The following TGS1 variants were observed in gnomAD, a reference collection of about 807,000 sequenced individuals.
TGS1 encodes the protein trimethylguanosine synthase.
In TGS1, 69 loss-of-function variants were observed where a neutral mutation model predicts 92.2. That is an observed-to-expected ratio of 0.75 (90% CI 0.62 to 0.91). The LOEUF is 0.91. Among genes scored for constraint, TGS1 ranks in the 40% least tolerant of loss-of-function variants. The probability of loss-of-function intolerance (pLI) is 0.00; values close to 1 mark genes in which losing one functional copy is unlikely to be tolerated. For missense variants in TGS1, 1,062 were observed against 1,001.2 expected, an observed-to-expected ratio of 1.06 and a Z score of -0.82; for synonymous variants, 345 against 338.1, an observed-to-expected ratio of 1.02 and a Z score of -0.22.
chr8:55,799,548 T>G (rs1357609096), intron 8 of TGS1, among the ~76,000 whole-genome samples: 1 of 152,194 alleles, frequency 6.6e-6, no homozygotes, highest in Non-Finnish European at 1.5e-5. Flanking sequence ...ATCCTTTGCC[T>G]TCTTCGTATG....
In TGS1 at chr8:55,798,468, G is replaced by A. The variant is rs113956541; in HGVS notation, c.1543-446G>A. On this transcript the variant is annotated intron_variant, in intron 7 of 12. Coordinates refer to ENST00000260129, the MANE Select transcript of TGS1 (RefSeq NM_024831.8). ...TTGGCCCTAAATCTTTTTAGGGTTC[G>A]TCTTTGATGCTAAGTAACATTTACA... 4.5e-3 allele frequency among the ~76,000 whole-genome samples: 682 copies of A among 152,230 alleles called. 4 individuals are homozygous for A. Among genetic ancestry groups the A allele is most frequent in the African/African-American group, 0.015 (628 of 41,536 alleles).
At chr8:55,774,890 C>T (rs574550323) in intron 1 of TGS1, among the ~76,000 whole-genome samples, 1 of 152,230 alleles carries the variant, frequency 6.6e-6, no homozygotes, top group South Asian at 2.1e-4. Context: ...TGGGAGAAAG[C>T]GTTCTCTGCA....
In TGS1 at chr8:55,790,309, A is replaced by T. The variant is rs1183350342; in HGVS notation, c.1280+10A>T. 1.3e-6 allele frequency: 2 copies of T among 1,567,374 alleles called. No homozygotes were observed. Among genetic ancestry groups the T allele is most frequent in the African/African-American group, 2.7e-5 (2 of 74,116 alleles). On this transcript the variant is annotated intron_variant, in intron 5 of 12. Transcript: ENST00000260129. ...GCAAACTGAAGAGGAGGTAAGTTAC[A>T]TGAGACCCCTCTCACCAGAGCGTGT...
At chr8:55,796,298 G>A in intron 7 of TGS1, 146 bp downstream of exon 7, 1 of 606,964 alleles carries the variant, frequency 1.6e-6, no homozygotes, top group East Asian at 2.9e-5. Flanking sequence ...CTTCTTGAAG[G>A]CATATATTAT....
chr8:55,813,166 C>A (rs770032581), intron 12 of TGS1, 48 bp downstream of exon 12: 111 of 1,315,796 alleles, frequency 8.4e-5, no homozygotes, highest in South Asian at 2.3e-4. Context: ...TTAACTGTTA[C>A]AAGTACGGTA....
intron 8 of TGS1, among the ~76,000 whole-genome samples, chr8:55,799,885 T>A (rs145292076): frequency 6.6e-6 from 1 of 152,278 alleles, no homozygotes; most frequent in East Asian, 1.9e-4. Flanking sequence ...GGTTTCCTTT[T>A]GGTGTGTTTT....
rs77909631 is a variant in TGS1 at position 55,784,833 on chromosome 8, A to G, written c.167-886A>G. ...TTGCAGATAAAGAATGTGAACATAT[A>G]AGTATTTTCTCCACGTACCAGGGTT... is the stretch of plus-strand genomic sequence containing the variant. On this transcript the variant is annotated intron_variant, in intron 2 of 12. Coordinates refer to ENST00000260129, the MANE Select transcript of TGS1 (RefSeq NM_024831.8). Among the ~76,000 whole-genome samples, 10 of 152,262 alleles carry G rather than the reference A, an allele frequency of 6.6e-5. No individual in the cohort carries two copies. In the East Asian group the frequency reaches 1.9e-3, roughly 29 times the overall value.
chr8:55,786,905 T>G lies in TGS1; in HGVS notation c.1007T>G (p.Leu336Ter). The part of the protein sequence containing the change: ...LNSEEVTQSQ[L>*]DSCTSHDGHQ... Reference sequence around the variant, plus strand: ...TCAGAGGAAGTAACACAGAGCCAATTAGATTCCTGTACAAGTCATGATGGT... The same window carrying G: ...TCAGAGGAAGTAACACAGAGCCAATGAGATTCCTGTACAAGTCATGATGGT... The change falls in exon 4 of 13, where the codon TTA (leucine) becomes TGA (stop). Residue 336 changes from leucine to a stop codon, truncating the protein, a stop_gained. Transcript: ENST00000260129. LOFTEE classifies it high-confidence loss of function. 6.2e-7 allele frequency: 1 copy of G among 1,614,106 alleles called. No individual in the cohort carries two copies. Among genetic ancestry groups the G allele is most frequent in the Non-Finnish European group, 8.5e-7 (1 of 1,179,992 alleles).
At chr8:55,815,604 C>T (rs1381836680) in intron 12 of TGS1, among the ~76,000 whole-genome samples, 1 of 152,100 alleles carries the variant, frequency 6.6e-6, no homozygotes, top group African/African-American at 2.4e-5. Context: ...AGTTAATTTC[C>T]CATCCAGGGA....
intron 12 of TGS1, among the ~76,000 whole-genome samples, chr8:55,816,991 A>G (rs1292980516): frequency 6.6e-6 from 1 of 151,980 alleles, no homozygotes; most frequent in African/African-American, 2.4e-5. Flanking sequence ...CAGCCTCCCA[A>G]GTAGTTGGGA....
At chr8:55,798,451 A>G in intron 7 of TGS1, among the ~76,000 whole-genome samples, 2 of 152,170 alleles carry the variant, frequency 1.3e-5, no homozygotes, top group East Asian at 3.8e-4. Flanking sequence ...AATTGGCCCT[A>G]AATCTTTTTA....
chr8:55,808,014 AAC>A (rs1803226507), intron 10 of TGS1, among the ~76,000 whole-genome samples: 1 of 152,234 alleles, frequency 6.6e-6, no homozygotes. Flanking sequence ...CTGTAGAAAA[AAC>A]AGACTCAGTC....
chr8:55,802,661 AG>A, intron 9 of TGS1, 55 bp downstream of exon 9: 4 of 1,513,380 alleles, frequency 2.6e-6, no homozygotes, highest in Non-Finnish European at 3.6e-6. Context: ...AAACTTAAAA[AG>A]AAAGTTATAA....
intron 10 of TGS1, among the ~76,000 whole-genome samples, chr8:55,808,401 G>C (rs968683694): frequency 6.6e-6 from 1 of 151,964 alleles, no homozygotes; most frequent in African/African-American, 2.4e-5. Flanking sequence ...ATCGTAACAC[G>C]ATGATTAAAA....
At chr8:55,816,660 A>G (rs1803485431) in intron 12 of TGS1, among the ~76,000 whole-genome samples, 1 of 152,142 alleles carries the variant, frequency 6.6e-6, no homozygotes, top group Admixed American at 6.6e-5. Flanking sequence ...GTATCATGTT[A>G]ATTCCTGGCC....
chr8:55,789,990 C>A, intron 4 of TGS1, 192 bp from the exon 5 acceptor site: 5 of 508,414 alleles, frequency 9.8e-6, no homozygotes, highest in East Asian at 6.6e-5. Context: ...TTTAACAAAC[C>A]TTATAGTTAA....
chr8:55,805,541 G>A (rs888462303), intron 10 of TGS1, among the ~76,000 whole-genome samples: 29 of 152,298 alleles, frequency 1.9e-4, no homozygotes, highest in Admixed American at 1.7e-3. Context: ...GTTAGAGGCA[G>A]GAGGATCACT....
In TGS1 at chr8:55,798,936, TTAA is replaced by T. The variant is rs1235748560; in HGVS notation, c.1569_1571del (p.Asn523del). The T allele has an allele frequency of 3.1e-6, 5 of 1,608,208 alleles. No individual in the cohort carries two copies. In the African/African-American group the frequency reaches 4.0e-5, roughly 13 times the overall value. On this transcript the variant is annotated inframe_deletion, in exon 8 of 13. Transcript: ENST00000260129. Reference sequence around the variant, plus strand: ...AAGGTAGAAAAATTCCTCACATGGGTTAATAAACCAATGGATGAAGAAGCATCA... The same window carrying T: ...AAGGTAGAAAAATTCCTCACATGGGTTAAACCAATGGATGAAGAAGCATCA...
chr8:55,810,796 A>G (rs1803316449), intron 10 of TGS1, 85 bp from the exon 11 acceptor site: 1 of 1,110,160 alleles, frequency 9.0e-7, no homozygotes, highest in Admixed American at 1.8e-5. Flanking sequence ...TATACAGAAG[A>G]TGACAGACTA....
Sources: gnomAD v4.1 joint callset for allele counts (sites outside exome capture counted in the v4.1 genomes callset) on GRCh38, gnomAD v4.1.1 for gene constraint, MANE v1.5 for transcripts, NCBI Gene and HGNC (gene_info 2026-07-23, HGNC 2026-07-21) for gene names.